The following ENTPD7 variants were observed in gnomAD, a reference collection of about 807,000 sequenced individuals.
The protein encoded by ENTPD7 is ectonucleoside triphosphate diphosphohydrolase 7.
Under a neutral mutation model 77.9 loss-of-function variants are expected in ENTPD7, and 53 were observed. The ratio of observed to expected loss-of-function variants is 0.68; its 90% CI spans 0.55 to 0.85. ENTPD7 has a LOEUF of 0.85. Among genes scored for constraint, ENTPD7 ranks in the 40% least tolerant of loss-of-function variants. The pLI is 0.00. For synonymous variants in ENTPD7, 248 were observed against 274.9 expected, an observed-to-expected ratio of 0.90 and a Z score of 0.97; for missense variants, 636 against 743.7, an observed-to-expected ratio of 0.86 and a Z score of 1.68.
chr10:99,661,472 C>A lies in ENTPD7; in HGVS notation c.35C>A (p.Ala12Asp). Residue 12 changes from alanine (A) to aspartate (D), a missense_variant, in exon 3 of 13, where the codon GCC (alanine) becomes GAC (aspartate). Coordinates refer to ENST00000370489, the MANE Select transcript of ENTPD7 (RefSeq NM_020354.5). ...ARISFSYLCP[A>D]SWYFTVPTVS... The stretch of plus-strand genomic sequence containing the variant: ...ATCAGTTTTTCCTACCTCTGCCCAG[C>A]CTCCTGGTACTTCACTGTGCCCACA... 1 of 1,606,228 alleles carries A rather than the reference C, an allele frequency of 6.2e-7. No homozygotes were observed. Among genetic ancestry groups the A allele is most frequent in the Non-Finnish European group, 8.5e-7 (1 of 1,177,524 alleles).
intron 8 of ENTPD7, among the ~76,000 whole-genome samples, chr10:99,692,481 T>C (rs1452326530): frequency 1.3e-5 from 2 of 151,714 alleles, no homozygotes; most frequent in Non-Finnish European, 2.9e-5. Context: ...GGAGCCATTC[T>C]TGCTTCATGG....
intron 3 of ENTPD7, among the ~76,000 whole-genome samples, chr10:99,672,307 C>CT (rs35775014): frequency 0.43 from 60,214 of 138,612 alleles, 13,031 homozygotes; most frequent in East Asian, 0.58. Context: ...GTTACTTGAT[C>CT]TTTTTTTTTT....
rs1032200105 is a variant in ENTPD7 at position 99,706,764 on chromosome 10, A to T, written c.*2081A>T. Among the ~76,000 whole-genome samples the T allele has an allele frequency of 3.9e-5, 6 of 152,186 alleles. No individual in the cohort carries two copies. Among genetic ancestry groups the T allele is most frequent in the Admixed American group, 3.9e-4 (6 of 15,272 alleles). Reference sequence around the variant, plus strand: ...TCCGTGAACCTTATGAATGCTGCTTAAAAATAATGTCAAAATATGTTTTAG... The same window carrying T: ...TCCGTGAACCTTATGAATGCTGCTTTAAAATAATGTCAAAATATGTTTTAG... On this transcript the variant is annotated 3_prime_UTR_variant, in exon 13 of 13. Coordinates refer to ENST00000370489, the MANE Select transcript of ENTPD7 (RefSeq NM_020354.5).
intron 5 of ENTPD7, among the ~76,000 whole-genome samples, chr10:99,682,939 A>AG (rs2035770915): frequency 6.6e-6 from 1 of 152,162 alleles, no homozygotes; most frequent in South Asian, 2.1e-4. Context: ...TTTGGAGGAA[A>AG]GGAGATTGTT....
rs2035880590 is a variant in ENTPD7 at position 99,691,382 on chromosome 10, C to G, written c.710-3C>G. On this transcript the variant is annotated splice_region_variant and splice_polypyrimidine_tract_variant and intron_variant, in intron 7 of 12. Coordinates refer to ENST00000370489, the MANE Select transcript of ENTPD7 (RefSeq NM_020354.5). Reference sequence around the variant, plus strand: ...GGCCTTTTTGTTCTCTTATTTATTTCAGAATCAGATGCTGAGGCTACCCAG... The same window carrying G: ...GGCCTTTTTGTTCTCTTATTTATTTGAGAATCAGATGCTGAGGCTACCCAG... 1 of 1,611,076 alleles carries G rather than the reference C, an allele frequency of 6.2e-7. No homozygotes were observed. The highest frequency in any genetic ancestry group is 8.5e-7 in the Non-Finnish European group (1 of 1,178,966).
intron 3 of ENTPD7, among the ~76,000 whole-genome samples, chr10:99,662,392 T>C (rs1298254733): frequency 6.6e-6 from 1 of 152,154 alleles, no homozygotes; most frequent in Non-Finnish European, 1.5e-5. Flanking sequence ...ATCACAATCT[T>C]CCTTCAAGTA....
At chr10:99,673,344 G>A (rs374443012) in intron 3 of ENTPD7, among the ~76,000 whole-genome samples, 58 of 152,194 alleles carry the variant, frequency 3.8e-4, no homozygotes, top group Middle Eastern at 3.4e-3. Context: ...AACTATATAT[G>A]AAAAAATGCA....
chr10:99,678,930 C>A (rs2035718218), intron 3 of ENTPD7, among the ~76,000 whole-genome samples: 1 of 149,554 alleles, frequency 6.7e-6, no homozygotes, highest in Non-Finnish European at 1.5e-5. Flanking sequence ...AACTTAATAG[C>A]ATATAACAAA....
chr10:99,709,420 T>C lies in ENTPD7; in HGVS notation c.*4737T>C. 1.0e-6 allele frequency: 1 copy of C among 985,452 alleles called. No homozygotes were observed. 61.0% of individuals were successfully genotyped at this position (985,452 alleles called of 1,614,324 possible). A position where few individuals can be genotyped will look rare whatever the true frequency, so the allele number is the denominator to read the frequency against. On this transcript the variant is annotated 3_prime_UTR_variant, in exon 13 of 13. Transcript: ENST00000370489. The stretch of plus-strand genomic sequence containing the variant: ...GTCTCTTAGGGACGCTAGCTCCAGA[T>C]TCCAGCCCCTGGGGCAATAACTTGT...
chr10:99,687,259 C>CTTTTTTTTTTTTTTTTTT, intron 6 of ENTPD7, among the ~76,000 whole-genome samples: 1 of 29,522 alleles, frequency 3.4e-5, no homozygotes, highest in Non-Finnish European at 5.6e-5. Flanking sequence ...TTCTTTCTTT[C>CTTTTTTTTTTTTTTTTTT]TTTTTTTTTT....
Position 99,709,555 on chromosome 10 carries a change from T to C in ENTPD7, c.*4872T>C. The C allele has an allele frequency of 1.0e-6, 1 of 983,530 alleles. No homozygotes were observed. Among genetic ancestry groups the C allele is most frequent in the Non-Finnish European group, 1.2e-6 (1 of 828,182 alleles). The allele number at this position is 983,530 out of a possible 1,614,324, so 60.9% of individuals were successfully genotyped here. On this transcript the variant is annotated 3_prime_UTR_variant, in exon 13 of 13. Transcript: ENST00000370489. ...TATTAGTCAATAATATTTTGATTAATACTATAGAATAGCAACAGTGAATAT... is the reference window on the plus strand; with the variant it reads ...TATTAGTCAATAATATTTTGATTAACACTATAGAATAGCAACAGTGAATAT...
chr10:99,660,568 A>AGC, intron 2 of ENTPD7: 1 of 264,032 alleles, frequency 3.8e-6, no homozygotes, highest in South Asian at 3.1e-5. Flanking sequence ...ACACAGAGAT[A>AGC]TATTACTGTA....
chr10:99,662,467 C>T (rs1408906810), intron 3 of ENTPD7, among the ~76,000 whole-genome samples: 1 of 152,094 alleles, frequency 6.6e-6, no homozygotes, highest in Non-Finnish European at 1.5e-5. Flanking sequence ...CCTCCCTTCC[C>T]CTTGGTCTTT....
chr10:99,697,302 T>G (rs896978903), intron 9 of ENTPD7: 27 of 153,048 alleles, frequency 1.8e-4, no homozygotes, highest in African/African-American at 6.5e-4. Context: ...CTCAGATGTC[T>G]CCTGCAGGCA....
intron 3 of ENTPD7, among the ~76,000 whole-genome samples, chr10:99,666,263 A>G (rs1304845607): frequency 6.6e-6 from 1 of 151,742 alleles, no homozygotes; most frequent in Non-Finnish European, 1.5e-5. Context: ...GCCGGAGTGC[A>G]GTGGCGCTAT....
intron 3 of ENTPD7, among the ~76,000 whole-genome samples, chr10:99,666,296 C>T (rs1015562588): frequency 6.6e-6 from 1 of 152,150 alleles, no homozygotes; most frequent in African/African-American, 2.4e-5. Flanking sequence ...CAACCTCCGC[C>T]TCCCAGGTTC....
rs1346935288 is a variant in ENTPD7 at position 99,707,513 on chromosome 10, T to C, written c.*2830T>C. ...CTTTGGTTTTTAAAGATTTCTCTTCTATTTGCATTTCTGCACTTTGGTGGT... is the reference window on the plus strand; with the variant it reads ...CTTTGGTTTTTAAAGATTTCTCTTCCATTTGCATTTCTGCACTTTGGTGGT... On this transcript the variant is annotated 3_prime_UTR_variant, in exon 13 of 13. Transcript: ENST00000370489. Among the ~76,000 whole-genome samples the C allele has an allele frequency of 6.6e-5, 10 of 152,276 alleles. No homozygotes were observed. Among genetic ancestry groups the C allele is most frequent in the Admixed American group, 5.2e-4 (8 of 15,288 alleles).
intron 8 of ENTPD7, among the ~76,000 whole-genome samples, chr10:99,692,160 A>T (rs898749487): frequency 6.6e-6 from 1 of 152,218 alleles, no homozygotes; most frequent in African/African-American, 2.4e-5. Context: ...ACAGCTTGTG[A>T]TATCAGGGAG....
intron 2 of ENTPD7, chr10:99,660,426 C>T (rs1231416132): frequency 1.9e-6 from 2 of 1,051,802 alleles, no homozygotes; most frequent in Middle Eastern, 2.4e-4. Flanking sequence ...TGTGGATCTA[C>T]ATGCACCAAT....
Sources: allele counts gnomAD v4.1 joint callset (sites outside exome capture counted in the v4.1 genomes callset), GRCh38; gene constraint gnomAD v4.1.1; transcripts MANE v1.5; gene names NCBI Gene and HGNC (gene_info 2026-07-23, HGNC 2026-07-21).